PPFIA2: variants seen among roughly 807,000 people sequenced by gnomAD.
PPFIA2 encodes liprin-alpha-2.
In PPFIA2, 46 loss-of-function variants were observed where a neutral mutation model predicts 175.5. The ratio of observed to expected loss-of-function variants is 0.26; its 90% CI spans 0.21 to 0.34. The LOEUF (loss-of-function observed/expected upper bound fraction) is 0.34, where lower values mean the gene tolerates loss of function less well. Ranked by LOEUF, PPFIA2 falls within the 10% of genes least tolerant of loss-of-function variation. PPFIA2 has a pLI of 1.00. For missense variants in PPFIA2, 1,179 were observed against 1,506.1 expected, an observed-to-expected ratio of 0.78 and a Z score of 3.60; for synonymous variants, 568 against 511.4, an observed-to-expected ratio of 1.11 and a Z score of -1.49.
At chr12:81,514,001 T>C (rs1287139971) in intron 4 of PPFIA2, among the ~76,000 whole-genome samples, 1 of 152,008 alleles carries the variant, frequency 6.6e-6, no homozygotes, top group Non-Finnish European at 1.5e-5. Flanking sequence ...GTATTTGTTT[T>C]TTATCTTTTT....
At chr12:81,613,272 T>G (rs999220064) in intron 4 of PPFIA2, among the ~76,000 whole-genome samples, 1 of 152,148 alleles carries the variant, frequency 6.6e-6, no homozygotes, top group Non-Finnish European at 1.5e-5. Context: ...CTGGAGGATT[T>G]TTAAAACCAT....
chr12:81,440,125 T>C (rs2144987644), intron 6 of PPFIA2, 79 bp from the exon 7 acceptor site: 2 of 1,034,128 alleles, frequency 1.9e-6, no homozygotes, highest in Non-Finnish European at 2.8e-6. Flanking sequence ...ATTAACATCA[T>C]CAGAGACAGT....
In PPFIA2 at chr12:81,362,765, A is replaced by G. The variant is rs775321876; in HGVS notation, c.1565T>C (p.Ile522Thr). The G allele has an allele frequency of 2.6e-6, 4 of 1,545,636 alleles. No individual in the cohort carries two copies. Among genetic ancestry groups the G allele is most frequent in the Non-Finnish European group, 3.5e-6 (4 of 1,142,640 alleles). The change falls in exon 15 of 33, where the codon ATT becomes ACT. Residue 522 changes from isoleucine to threonine, a missense_variant. Around this residue, in one of 10 missense-constraint regions of PPFIA2, gnomAD observed 186 missense variants for 163.6 expected, o/e 1.14. Transcript: ENST00000549396. ...GTCAAGTTCAGATCTCAGCTTTTCA[A>G]TTTCTTCTGCTAATCTTTCCTAAAA... ...LHDKERLAEE[I>T]EKLRSELDQL...
chr12:81,347,587 C>G lies in PPFIA2; in HGVS notation c.2178G>C (p.Lys726Asn). 1 of 1,613,718 alleles carries G rather than the reference C, an allele frequency of 6.2e-7. No homozygotes were observed. The highest frequency in any genetic ancestry group is 8.5e-7 in the Non-Finnish European group (1 of 1,179,714). ...SSPPSGHSTP[K>N]LTPRSPAREM... is the part of the protein sequence containing the mutation. ...CCCTGGCAGGGCTTCGAGGGGTGAG[C>G]TTTGGAGTTGAGTGTCCACTGGGGG... is the stretch of plus-strand genomic sequence containing the variant. Residue 726 changes from lysine (K) to asparagine (N), a missense_variant, in exon 18 of 33, where the codon AAG (lysine) becomes AAC (asparagine). Physicochemically the swap from Lys to Asn is moderately conservative, Grantham distance 94. This residue lies in a region of PPFIA2 where 223 missense variants were observed against 241.6 expected (regional missense o/e 0.92). Coordinates refer to ENST00000549396, the MANE Select transcript of PPFIA2 (RefSeq NM_003625.5).
chr12:81,619,307 C>A (rs1204942975), intron 4 of PPFIA2, among the ~76,000 whole-genome samples: 1 of 152,194 alleles, frequency 6.6e-6, no homozygotes, highest in Non-Finnish European at 1.5e-5. Flanking sequence ...GTTAATCATA[C>A]ACGTTAGATA....
At chr12:81,323,997 A>C (rs2054222546) in intron 22 of PPFIA2, among the ~76,000 whole-genome samples, 1 of 152,036 alleles carries the variant, frequency 6.6e-6, no homozygotes, top group Non-Finnish European at 1.5e-5. Context: ...CGTACTAAGA[A>C]ATGTTAGCCA....
chr12:81,652,025 G>A (rs1451078789), intron 4 of PPFIA2, among the ~76,000 whole-genome samples: 1 of 151,422 alleles, frequency 6.6e-6, no homozygotes, highest in African/African-American at 2.4e-5. Flanking sequence ...CTTTCTGAAC[G>A]TTGATTTCTT....
In PPFIA2 at chr12:81,675,229, T is replaced by G. The variant is rs558545683; in HGVS notation, c.303+1562A>C. 2.9e-3 allele frequency among the ~76,000 whole-genome samples: 433 copies of G among 148,488 alleles called. 4 individuals carry two copies. Among genetic ancestry groups the G allele is most frequent in the African/African-American group, 9.6e-3 (393 of 41,054 alleles). On this transcript the variant is annotated intron_variant, in intron 4 of 32. Coordinates refer to ENST00000549396, the MANE Select transcript of PPFIA2 (RefSeq NM_003625.5). ...ACACACACACACACACACATATATA[T>G]ATAGAGAGAGAGAGATAAAGTTGTA... is the stretch of plus-strand genomic sequence containing the variant.
intron 24 of PPFIA2, among the ~76,000 whole-genome samples, chr12:81,286,307 GTAGTA>G (rs1321523929): frequency 6.6e-6 from 1 of 152,024 alleles, no homozygotes; most frequent in Non-Finnish European, 1.5e-5. Flanking sequence ...TGAATTGTGT[GTAGTA>G]TAAAGTATAG....
intron 17 of PPFIA2, 110 bp downstream of exon 17, chr12:81,353,009 A>C: frequency 1.1e-6 from 1 of 895,138 alleles, no homozygotes; most frequent in Non-Finnish European, 1.7e-6. Flanking sequence ...GATTCTGCAG[A>C]TCTATTAAGC....
chr12:81,433,048 CATA>C (rs1254211474), intron 7 of PPFIA2, among the ~76,000 whole-genome samples: 3 of 151,742 alleles, frequency 2.0e-5, no homozygotes, highest in African/African-American at 7.3e-5. Flanking sequence ...GAAAAAAACC[CATA>C]ATATTACCTT....
intron 24 of PPFIA2, among the ~76,000 whole-genome samples, chr12:81,293,260 ATAAT>A (rs147766077): frequency 0.019 from 2,928 of 152,142 alleles, 69 homozygotes; most frequent in East Asian, 0.087. Flanking sequence ...GAATAAACAA[ATAAT>A]TAAATACTAT....
At chr12:81,639,653 ATG>A (rs1235150950) in intron 4 of PPFIA2, among the ~76,000 whole-genome samples, 8 of 152,250 alleles carry the variant, frequency 5.3e-5, no homozygotes, top group Non-Finnish European at 7.4e-5. Flanking sequence ...GCTGAGATAT[ATG>A]TGTTTTTCAT....
rs536897013 is a variant in PPFIA2 at position 81,532,859 on chromosome 12, A to G, written c.304-74993T>C. Among the ~76,000 whole-genome samples, 14 of 151,864 alleles carry G rather than the reference A, an allele frequency of 9.2e-5. No individual in the cohort carries two copies. In the South Asian group the frequency reaches 2.1e-3, roughly 22 times the overall value. On this transcript the variant is annotated intron_variant, in intron 4 of 32. Coordinates refer to ENST00000549396, the MANE Select transcript of PPFIA2 (RefSeq NM_003625.5). ...GCCTAAAAATGTTTTTAAAATTATT[A>G]TTTGCATTTCCCCTCTCAACATATT...
chr12:81,605,931 A>C (rs189800407), intron 4 of PPFIA2, among the ~76,000 whole-genome samples: 1 of 151,764 alleles, frequency 6.6e-6, no homozygotes, highest in East Asian at 1.9e-4. Flanking sequence ...TAGTGAGCAT[A>C]ATAGCCAATA....
chr12:81,672,463 G>A (rs2071600967), intron 4 of PPFIA2, among the ~76,000 whole-genome samples: 1 of 151,794 alleles, frequency 6.6e-6, no homozygotes, highest in African/African-American at 2.4e-5. Context: ...AGAACAGAAA[G>A]TACAATTCTG....
At chr12:81,635,520 A>G (rs774429290) in intron 4 of PPFIA2, among the ~76,000 whole-genome samples, 52 of 152,110 alleles carry the variant, frequency 3.4e-4, no homozygotes, top group Non-Finnish European at 6.8e-4. Flanking sequence ...TCATGAAATG[A>G]CCTCACACCT....
At chr12:81,276,802 A>G (rs1236795248) in intron 28 of PPFIA2, among the ~76,000 whole-genome samples, 1 of 152,214 alleles carries the variant, frequency 6.6e-6, no homozygotes, top group Non-Finnish European at 1.5e-5. Flanking sequence ...AGCTAAAATT[A>G]TTAATGAACT....
intron 7 of PPFIA2, among the ~76,000 whole-genome samples, chr12:81,421,448 G>A (rs886689707): frequency 1.3e-5 from 2 of 151,924 alleles, no homozygotes; most frequent in Non-Finnish European, 2.9e-5. Context: ...TTGAAGTTAA[G>A]TTGCTATTAA....
Sources: gnomAD v4.1 joint callset for allele counts (sites outside exome capture counted in the v4.1 genomes callset) on GRCh38, gnomAD v4.1.1 for gene constraint, gnomAD v4.1.1 regional missense constraint, MANE v1.5 for transcripts, NCBI Gene and HGNC (gene_info 2026-07-23, HGNC 2026-07-21) for gene names.